Variants in FER observed in about 807,000 individuals in gnomAD.
The protein encoded by FER is tyrosine-protein kinase Fer.
Under a neutral mutation model 111.0 loss-of-function variants are expected in FER, and 63 were observed. That is an observed-to-expected ratio of 0.57 (90% CI 0.46 to 0.70). The LOEUF is 0.70. Ranked by LOEUF, FER falls within the 30% of genes least tolerant of loss-of-function variation. FER has a pLI of 0.00. For missense variants in FER, 914 were observed against 954.0 expected (o/e 0.96, Z 0.55); for synonymous variants, 327 against 313.9 (o/e 1.04, Z -0.44).
At chr5:108,919,817 C>T (rs1229004257) in intron 10 of FER, among the ~76,000 whole-genome samples, 1 of 152,114 alleles carries the variant, frequency 6.6e-6, no homozygotes, top group Admixed American at 6.5e-5. Flanking sequence ...ATCAGAGGGA[C>T]TTTAGTTCAA....
At chr5:109,080,488 T>C (rs1399017221) in intron 16 of FER, among the ~76,000 whole-genome samples, 2 of 152,172 alleles carry the variant, frequency 1.3e-5, no homozygotes, top group Non-Finnish European at 2.9e-5. Context: ...ATTACCCATT[T>C]TGATTTTCAG....
chr5:108,763,513 G>C (rs114594746), intron 1 of FER, among the ~76,000 whole-genome samples: 1,831 of 152,326 alleles, frequency 0.012, 24 homozygotes, highest in African/African-American at 0.027. Context: ...TGCAGAGCGA[G>C]AGAGAGATTA....
intron 16 of FER, among the ~76,000 whole-genome samples, chr5:109,098,022 C>T (rs12332736): frequency 0.39 from 58,744 of 151,422 alleles, 12,035 homozygotes; most frequent in African/African-American, 0.52. Flanking sequence ...TTTAATGACT[C>T]GAAGCAAGAA....
rs1313712703 is a variant in FER at position 108,810,188 on chromosome 5, C to A, written c.207+11799C>A. ...TGTCTTTTTGGCTCTGCCGTATGGA[C>A]TTCCGTTGGCAGGTTTTATACTGGG... On this transcript the variant is annotated intron_variant, in intron 3 of 19. Transcript: ENST00000281092. Among the ~76,000 whole-genome samples, 7 of 152,120 alleles carry A rather than the reference C, an allele frequency of 4.6e-5. No individual in the cohort carries two copies. The East Asian group carries it at 1.3e-3, about 29-fold the overall frequency.
At chr5:109,028,613 G>C (rs901259364) in intron 13 of FER, among the ~76,000 whole-genome samples, 1 of 152,134 alleles carries the variant, frequency 6.6e-6, no homozygotes. Flanking sequence ...CAGAGTCCTG[G>C]CTTGATGGTG....
chr5:109,125,203 C>G (rs1286568633), intron 17 of FER, among the ~76,000 whole-genome samples: 13 of 151,274 alleles, frequency 8.6e-5, no homozygotes, highest in East Asian at 1.9e-4. Context: ...GTTTTTTTTC[C>G]TTTTATATAC....
chr5:108,858,023 T>C (rs940502586), intron 5 of FER, among the ~76,000 whole-genome samples: 5 of 152,216 alleles, frequency 3.3e-5, no homozygotes, highest in African/African-American at 1.2e-4. Context: ...GGTGTGCTCA[T>C]TGCTAGTGGA....
intron 4 of FER, 50 bp from the exon 5 acceptor site, chr5:108,835,658 A>C (rs755477097): frequency 1.6e-6 from 2 of 1,223,676 alleles, no homozygotes; most frequent in African/African-American, 3.1e-5. Context: ...TTCTTGAGCA[A>C]TTTAAATTTA....
intron 13 of FER, among the ~76,000 whole-genome samples, chr5:108,969,023 T>C (rs934933882): frequency 6.6e-6 from 1 of 152,016 alleles, no homozygotes; most frequent in African/African-American, 2.4e-5. Flanking sequence ...TTAATAACAG[T>C]GTCTTGACAA....
intron 17 of FER, chr5:109,177,744 G>A (rs563615496): frequency 2.6e-5 from 4 of 152,224 alleles, no homozygotes; most frequent in East Asian, 3.9e-4. Flanking sequence ...AAGATTACTC[G>A]GCAGACATAA....
intron 3 of FER, among the ~76,000 whole-genome samples, chr5:108,807,471 C>T (rs76646391): frequency 6.6e-6 from 1 of 152,052 alleles, no homozygotes; most frequent in Non-Finnish European, 1.5e-5. Flanking sequence ...TTTGATGTCA[C>T]CTTTGTGATT....
At chr5:108,784,444 C>T (rs1754447713) in intron 2 of FER, 1 of 153,950 alleles carries the variant, frequency 6.5e-6, no homozygotes, top group Admixed American at 6.5e-5. Flanking sequence ...CCCCTGACAA[C>T]CAGCAGATTG....
chr5:108,978,567 ATTGAAATTATT>A (rs1452284831), intron 13 of FER, among the ~76,000 whole-genome samples: 6 of 152,200 alleles, frequency 3.9e-5, no homozygotes, highest in Non-Finnish European at 8.8e-5. Context: ...ATTGTGTAGT[ATTGAAATTATT>A]TTTTAAAAAT....
chr5:109,061,085 A>G (rs1307649519), intron 16 of FER, among the ~76,000 whole-genome samples: 2 of 152,038 alleles, frequency 1.3e-5, no homozygotes, highest in East Asian at 3.9e-4. Flanking sequence ...TTTTACCATC[A>G]TTTGTGATTG....
chr5:108,917,132 T>G (rs1752374194), intron 10 of FER, among the ~76,000 whole-genome samples: 1 of 152,164 alleles, frequency 6.6e-6, no homozygotes, highest in Admixed American at 6.5e-5. Context: ...AGAACTATGA[T>G]ACAAAGATGA....
In FER at chr5:109,080,100, T is replaced by C. The variant is rs79766585; in HGVS notation, c.1925-20296T>C. Among the ~76,000 whole-genome samples the C allele has an allele frequency of 9.8e-3, 1,495 of 152,186 alleles. 20 individuals carry two copies. Among genetic ancestry groups the C allele is most frequent in the African/African-American group, 0.034 (1,419 of 41,544 alleles). On this transcript the variant is annotated intron_variant, in intron 16 of 19. Coordinates refer to ENST00000281092, the MANE Select transcript of FER (RefSeq NM_005246.4). ...TCTAGAGTGAAAAAGAAATCCCAAT[T>C]ATACATAGCATTTTTCTATCTGCTT...
At chr5:108,842,572 G>C (rs1385839733) in intron 5 of FER, 1 of 151,988 alleles carries the variant, frequency 6.6e-6, no homozygotes, top group Non-Finnish European at 1.5e-5. Flanking sequence ...AGTGGGCTAA[G>C]CACATGAATA....
At chr5:108,944,076 A>G (rs912808550) in intron 10 of FER, among the ~76,000 whole-genome samples, 1 of 151,522 alleles carries the variant, frequency 6.6e-6, no homozygotes, top group Non-Finnish European at 1.5e-5. Flanking sequence ...TGTAATTATT[A>G]TGAACCAGTC....
intron 3 of FER, among the ~76,000 whole-genome samples, chr5:108,805,180 A>C (rs1757068542): frequency 6.6e-6 from 1 of 152,028 alleles, no homozygotes; most frequent in Non-Finnish European, 1.5e-5. Context: ...CGTGATAGTG[A>C]ATGAGTCTCA....
Sources: gnomAD v4.1 joint callset for allele counts (sites outside exome capture counted in the v4.1 genomes callset) on GRCh38, gnomAD v4.1.1 for gene constraint, MANE v1.5 for transcripts, NCBI Gene and HGNC (gene_info 2026-07-23, HGNC 2026-07-21) for gene names.